Variants in UBR4 observed in about 807,000 individuals in gnomAD.
The protein encoded by UBR4 is E3 ubiquitin-protein ligase UBR4.
UBR4 carries 124 observed loss-of-function variants against 575.6 expected under a neutral mutation model. That is an observed-to-expected ratio of 0.22 (90% CI 0.19 to 0.25). UBR4 has a LOEUF of 0.25. Among genes scored for constraint, UBR4 ranks in the 10% least tolerant of loss-of-function variants. The pLI is 1.00. For synonymous variants in UBR4, 2,455 were observed against 2,473.7 expected, an observed-to-expected ratio of 0.99 and a Z score of 0.22; for missense variants, 4,818 against 6,478.8, an observed-to-expected ratio of 0.74 and a Z score of 8.80.
Position 19,173,609 on chromosome 1 carries a change from G to A in UBR4, c.2995C>T (p.Leu999Phe), listed in dbSNP as rs759829200. Residue 999 changes from leucine to phenylalanine, a missense_variant, in exon 23 of 106, where the codon CTT becomes TTT. Physicochemically the swap from Leu to Phe is conservative, Grantham distance 22 (BLOSUM62 0). Transcript: ENST00000375254. ...CACAGTATCAAGAAGTAATATTGAA[G>A]GGCACAGGCCTCCTGGAGAAAGGAA... is the stretch of plus-strand genomic sequence containing the variant. ...KNVTALEACALQYYFLILWRI... is the reference protein window; with the variant it reads ...KNVTALEACAFQYYFLILWRI... 113 of 1,613,926 alleles carry A rather than the reference G, an allele frequency of 7.0e-5. No homozygotes were observed. Among genetic ancestry groups the A allele is most frequent in the Non-Finnish European group, 8.9e-5 (105 of 1,179,968 alleles).
At position 19,126,649 on chromosome 1, in the gene UBR4, A is replaced by T; in HGVS notation, c.9235T>A (p.Ser3079Thr). ...GSKSSICESS[S>T]LISSATAAAL... is the part of the protein sequence containing the mutation. The stretch of plus-strand genomic sequence containing the variant: ...GCTGCTGTGGCACTGGAGATGAGGG[A>T]AGATGACTGGGAGACAGAGAAAATA... Residue 3079 changes from serine to threonine, a missense_variant, in exon 64 of 106, where the codon TCC becomes ACC. Transcript: ENST00000375254. 1 of 1,613,430 alleles carries T rather than the reference A, an allele frequency of 6.2e-7. No homozygotes were observed. The highest frequency in any genetic ancestry group is 8.5e-7 in the Non-Finnish European group (1 of 1,179,888).
chr1:19,179,047 T>C lies in UBR4; in HGVS notation c.2354+4A>G. The C allele has an allele frequency of 6.2e-7, 1 of 1,612,576 alleles. No homozygotes were observed. The highest frequency in any genetic ancestry group is 1.1e-5 in the South Asian group (1 of 90,840). On this transcript the variant is annotated splice_donor_region_variant and intron_variant, in intron 18 of 105. Transcript: ENST00000375254. ...CTATAGGCCTTCTCTTACAGACATC[T>C]TACCTGTCCCAAACTTTAAGGCATT...
intron 15 of UBR4, 146 bp from the exon 16 acceptor site, chr1:19,184,321 T>TA (rs2091314809): frequency 1.1e-6 from 1 of 899,384 alleles, no homozygotes; most frequent in African/African-American, 1.7e-5. Flanking sequence ...TTAAATCACT[T>TA]ACAGTGGGCC....
chr1:19,162,721 G>A (rs2087586771), intron 34 of UBR4, 110 bp from the exon 35 acceptor site: 1 of 1,298,232 alleles, frequency 7.7e-7, no homozygotes, highest in Non-Finnish European at 1.0e-6. Context: ...TGGTATGAGA[G>A]CAGAGAAGAA....
Position 19,112,551 on chromosome 1 carries a change from A to G in UBR4, c.11774T>C (p.Val3925Ala). ...RRGAAAMREE[V>A]RQLMCLLTRD... ...AGTTAGGAGGCACATGAGCTGGCGG[A>G]CCTCCTCCCGCATGGCCGCAGCCCC... The change falls in exon 78 of 106, where the codon GTC (valine) becomes GCC (alanine). Residue 3925 changes from valine to alanine, a missense_variant. Coordinates refer to ENST00000375254, the MANE Select transcript of UBR4 (RefSeq NM_020765.3). 6.2e-7 allele frequency: 1 copy of G among 1,613,146 alleles called. No homozygotes were observed. The highest frequency in any genetic ancestry group is 8.5e-7 in the Non-Finnish European group (1 of 1,179,488).
In UBR4 at chr1:19,097,797, A is replaced by G. The variant is rs1215411361; in HGVS notation, c.13303-517T>C. 2.0e-5 allele frequency among the ~76,000 whole-genome samples: 3 copies of G among 152,338 alleles called. No individual in the cohort carries two copies. The East Asian group carries it at 5.8e-4, about 29-fold the overall frequency. The stretch of plus-strand genomic sequence containing the variant: ...TGACTCAAGCCTCGGGAATCAAAAC[A>G]GGAAAAGAGAGTACATCAATCTTTA... On this transcript the variant is annotated intron_variant, in intron 90 of 105. Transcript: ENST00000375254.
chr1:19,141,218 A>T, intron 57 of UBR4, 129 bp downstream of exon 57: 1 of 1,262,264 alleles, frequency 7.9e-7, no homozygotes, highest in Non-Finnish European at 1.1e-6. Flanking sequence ...ATCTCTGAAC[A>T]GCTCTCACCC....
chr1:19,092,408 G>A (rs1009561860), intron 97 of UBR4, among the ~76,000 whole-genome samples: 1 of 151,766 alleles, frequency 6.6e-6, no homozygotes, highest in Admixed American at 6.5e-5. Context: ...TTAACGCTCA[G>A]CCCTGTGGGG....
At position 19,161,596 on chromosome 1, in the gene UBR4, C is replaced by G. The variant is rs763584028; in HGVS notation, c.5168G>C (p.Ser1723Thr). The G allele has an allele frequency of 3.1e-6, 5 of 1,606,766 alleles. No homozygotes were observed. The highest frequency in any genetic ancestry group is 4.2e-6 in the Non-Finnish European group (5 of 1,176,666). ...CAGGGAGGGTCCTCTCACCAAACAGCTGCCATCTTCCTTGGCTCCACAGTC... is the reference window on the plus strand; with the variant it reads ...CAGGGAGGGTCCTCTCACCAAACAGGTGCCATCTTCCTTGGCTCCACAGTC... ...FCDCGAKEDG[S>T]CLALVKRTPS... is the part of the protein sequence containing the mutation. Residue 1723 changes from serine (S) to threonine (T), a missense_variant, in exon 37 of 106, where the codon AGC becomes ACC. Coordinates refer to ENST00000375254, the MANE Select transcript of UBR4 (RefSeq NM_020765.3).
chr1:19,175,926 T>G (rs1351630394), intron 20 of UBR4, among the ~76,000 whole-genome samples: 1 of 152,026 alleles, frequency 6.6e-6, no homozygotes, highest in East Asian at 1.9e-4. Flanking sequence ...CTCGAGTAGC[T>G]GGCACCACAG....
At chr1:19,105,257 C>A in intron 84 of UBR4, 68 bp from the exon 85 acceptor site, 1 of 1,528,952 alleles carries the variant, frequency 6.5e-7, no homozygotes, top group Non-Finnish European at 8.8e-7. Flanking sequence ...CAAGGCTCCC[C>A]TTTCTCCTCC....
chr1:19,138,825 T>C (rs1418176635), intron 59 of UBR4, among the ~76,000 whole-genome samples: 1 of 152,140 alleles, frequency 6.6e-6, no homozygotes, highest in African/African-American at 2.4e-5. Flanking sequence ...ATGTCATTGC[T>C]TTTTTTCCAC....
chr1:19,121,415 G>A lies in UBR4; in HGVS notation c.9915C>T (p.Leu3305=), dbSNP rs747550019. 15 of 1,614,008 alleles carry A rather than the reference G, an allele frequency of 9.3e-6. No individual in the cohort carries two copies. Among genetic ancestry groups the A allele is most frequent in the Non-Finnish European group, 1.3e-5 (15 of 1,179,900 alleles). Reference sequence around the variant, plus strand: ...CCTCATCCACAAGGAAACTGACTTGGAGGAGGAAGTACAGGACGGCTGCAA... The same window carrying A: ...CCTCATCCACAAGGAAACTGACTTGAAGGAGGAAGTACAGGACGGCTGCAA... ...IKDDSVLYFL[L]QVSFLVDEGV... Residue 3305 remains leucine (L), a synonymous_variant, in exon 68 of 106, where the codon CTC becomes CTT. Coordinates refer to ENST00000375254, the MANE Select transcript of UBR4 (RefSeq NM_020765.3).
chr1:19,154,004 C>G (rs1401140876), intron 44 of UBR4, 65 bp from the exon 45 acceptor site: 1 of 1,555,666 alleles, frequency 6.4e-7, no homozygotes, highest in Admixed American at 1.9e-5. Flanking sequence ...TTTTCTTGAC[C>G]TAAAAACCAT....
intron 66 of UBR4, among the ~76,000 whole-genome samples, 189 bp downstream of exon 66, chr1:19,122,644 G>A (rs2081296921): frequency 6.6e-6 from 1 of 152,224 alleles, no homozygotes; most frequent in African/African-American, 2.4e-5. Flanking sequence ...GGACATCCCA[G>A]ATCCTGAAGC....
chr1:19,138,095 T>C lies in UBR4; in HGVS notation c.8818A>G (p.Ile2940Val), dbSNP rs2083401481. The C allele has an allele frequency of 6.3e-7, 1 of 1,599,014 alleles. No individual in the cohort carries two copies. The highest frequency in any genetic ancestry group is 1.3e-5 in the African/African-American group (1 of 74,748). Residue 2940 changes from isoleucine to valine, a missense_variant, in exon 60 of 106, where the codon ATC (isoleucine) becomes GTC (valine). Ile to Val is a conservative substitution (Grantham distance 29, BLOSUM62 3). Transcript: ENST00000375254. The stretch of plus-strand genomic sequence containing the variant: ...TCCTGGTGCCCAGTGGTGGTGCTGA[T>C]GGCTCCAGTGCTTGAGCTGACACTT... The part of the protein sequence containing the change: ...PGSVSSSTGA[I>V]STTTGHQEGD...
Position 19,193,513 on chromosome 1 carries a change from C to G in UBR4, c.1063G>C (p.Ala355Pro), listed in dbSNP as rs1372466291. 6.2e-7 allele frequency: 1 copy of G among 1,614,008 alleles called. No homozygotes were observed. The highest frequency in any genetic ancestry group is 8.5e-7 in the Non-Finnish European group (1 of 1,180,006). ...GTGGACCCTGTCCGCACTTGCTGGG[C>G]ACTACCCACATGGAGGATGGCCATG... Reference protein sequence around the residue: ...TCMAILHVGSAQQVRTGSTSS... With the variant: ...TCMAILHVGSPQQVRTGSTSS... The change falls in exon 9 of 106, where the codon GCC becomes CCC. Residue 355 changes from alanine (A) to proline (P), a missense_variant. Physicochemically the swap from Ala to Pro is conservative, Grantham distance 27. This residue lies in a region of UBR4 where 131 missense variants were observed against 214.5 expected (regional missense o/e 0.61). Transcript: ENST00000375254.
In UBR4 at chr1:19,113,835, C is replaced by A. The variant is rs2080176342; in HGVS notation, c.11329-8G>T. 1 of 1,614,154 alleles carries A rather than the reference C, an allele frequency of 6.2e-7. No homozygotes were observed. The highest frequency in any genetic ancestry group is 8.5e-7 in the Non-Finnish European group (1 of 1,180,010). On this transcript the variant is annotated splice_region_variant and splice_polypyrimidine_tract_variant and intron_variant, in intron 76 of 105. Coordinates refer to ENST00000375254, the MANE Select transcript of UBR4 (RefSeq NM_020765.3). Reference sequence around the variant, plus strand: ...TGCTGTTCCTGAGTCATCCTGCAACCCCAAGAGGTAAGCTGTCAGGCTCCC... The same window carrying A: ...TGCTGTTCCTGAGTCATCCTGCAACACCAAGAGGTAAGCTGTCAGGCTCCC...
chr1:19,148,981 CCA>C (rs1389243342), intron 49 of UBR4, among the ~76,000 whole-genome samples: 1 of 152,090 alleles, frequency 6.6e-6, no homozygotes, highest in Non-Finnish European at 1.5e-5. Context: ...GCTCAGCTGC[CCA>C]GAGATCAGTG....
Sources: gnomAD v4.1 joint callset for allele counts (sites outside exome capture counted in the v4.1 genomes callset) on GRCh38, gnomAD v4.1.1 for gene constraint, gnomAD v4.1.1 regional missense constraint, MANE v1.5 for transcripts, NCBI Gene and HGNC (gene_info 2026-07-23, HGNC 2026-07-21) for gene names.